The following SLC44A5 variants were observed in gnomAD, a reference collection of about 807,000 sequenced individuals.
The protein encoded by SLC44A5 is choline transporter-like protein 5.
A neutral mutation model predicts 101.8 loss-of-function variants in SLC44A5; 57 were observed. The observed-to-expected ratio is 0.56, with a 90% confidence interval of 0.45 to 0.70. SLC44A5 has a LOEUF of 0.70. Ranked by LOEUF, SLC44A5 falls within the 30% of genes least tolerant of loss-of-function variation. SLC44A5 has a pLI of 0.00. For missense variants in SLC44A5, 737 were observed against 853.1 expected, an observed-to-expected ratio of 0.86 and a Z score of 1.70; for synonymous variants, 281 against 290.9, an observed-to-expected ratio of 0.97 and a Z score of 0.35.
chr1:75,509,464 A>G (rs1669448443), intron 2 of SLC44A5, among the ~76,000 whole-genome samples: 2 of 152,326 alleles, frequency 1.3e-5, no homozygotes, highest in South Asian at 4.1e-4. Context: ...AAAGTGGTAA[A>G]ATAAAAATGT....
intron 6 of SLC44A5, among the ~76,000 whole-genome samples, chr1:75,274,572 C>G (rs144450306): frequency 6.6e-6 from 1 of 152,240 alleles, no homozygotes; most frequent in Non-Finnish European, 1.5e-5. Context: ...TCAGTAGACA[C>G]TGTGACAAAA....
intron 2 of SLC44A5, among the ~76,000 whole-genome samples, chr1:75,522,867 A>G (rs544256626): frequency 6.6e-6 from 1 of 152,168 alleles, no homozygotes; most frequent in Admixed American, 6.5e-5. Flanking sequence ...AGTTCTCAAC[A>G]TAAGGGAAAG....
chr1:75,451,424 A>T (rs1665902383), intron 2 of SLC44A5, among the ~76,000 whole-genome samples: 1 of 152,122 alleles, frequency 6.6e-6, no homozygotes, highest in African/African-American at 2.4e-5. Context: ...TAGAAGCAAA[A>T]CCAAAGAACC....
intron 4 of SLC44A5, among the ~76,000 whole-genome samples, chr1:75,331,100 T>C (rs574916200): frequency 9.7e-4 from 147 of 152,008 alleles, no homozygotes; most frequent in African/African-American, 3.5e-3. Flanking sequence ...GTCTGGAGTG[T>C]TGTTCTTGGG....
At chr1:75,648,477 C>A in the SLC44A5 span, among the ~76,000 whole-genome samples, 3 of 152,070 alleles carry the variant, frequency 2.0e-5, no homozygotes, top group Admixed American at 2.0e-4. Context: ...TACTGAGACC[C>A]TTCTCAGTGT....
intron 2 of SLC44A5, among the ~76,000 whole-genome samples, chr1:75,413,885 A>G (rs1426616951): frequency 6.6e-6 from 1 of 152,172 alleles, no homozygotes; most frequent in African/African-American, 2.4e-5. Flanking sequence ...AGTGAAAGCT[A>G]TATTCTCCCT....
chr1:75,706,975 A>G, the SLC44A5 span, among the ~76,000 whole-genome samples: 1 of 152,222 alleles, frequency 6.6e-6, no homozygotes, highest in African/African-American at 2.4e-5. Flanking sequence ...GACCCATTAA[A>G]GAAACTTCAT....
rs144126234 is a variant in SLC44A5 at position 75,422,085 on chromosome 1, C to G, written c.14-25464G>C. On this transcript the variant is annotated intron_variant, in intron 2 of 23. Transcript: ENST00000370859. ...AAAACCACTGGTGTGTGTGTGTGTG[C>G]ACGTGTGCTTAAGAGGCTGTGCTTT... Among the ~76,000 whole-genome samples the G allele has an allele frequency of 9.4e-3, 1,424 of 151,962 alleles. 23 individuals carry two copies. Among genetic ancestry groups the G allele is most frequent in the African/African-American group, 0.033 (1,352 of 41,414 alleles).
chr1:75,209,053 A>G (rs1471791870), intron 23 of SLC44A5, among the ~76,000 whole-genome samples: 1 of 152,206 alleles, frequency 6.6e-6, no homozygotes, highest in Non-Finnish European at 1.5e-5. Context: ...GGAGGAAGAG[A>G]AACACAATTT....
At chr1:75,505,172 G>A (rs1438313056) in intron 2 of SLC44A5, among the ~76,000 whole-genome samples, 1 of 152,052 alleles carries the variant, frequency 6.6e-6, no homozygotes, top group Non-Finnish European at 1.5e-5. Context: ...ACATGATTTT[G>A]TTCTTTTTAT....
chr1:75,609,063 C>T (rs541810099), intron 1 of SLC44A5, among the ~76,000 whole-genome samples: 14 of 151,814 alleles, frequency 9.2e-5, no homozygotes, highest in Admixed American at 6.6e-4. Context: ...ACATAGTAAG[C>T]GATTGATTAA....
At chr1:75,301,833 A>G (rs962253577) in intron 4 of SLC44A5, among the ~76,000 whole-genome samples, 1 of 152,204 alleles carries the variant, frequency 6.6e-6, no homozygotes, top group Non-Finnish European at 1.5e-5. Flanking sequence ...TAGATCTCCA[A>G]CGCCAAACCT....
the SLC44A5 span, among the ~76,000 whole-genome samples, chr1:75,706,585 C>CT: frequency 2.0e-5 from 3 of 151,856 alleles, no homozygotes; most frequent in African/African-American, 7.3e-5. Flanking sequence ...TATTTTTGCT[C>CT]TTTATGGGCC....
At chr1:75,344,762 G>A (rs1172543213) in intron 3 of SLC44A5, among the ~76,000 whole-genome samples, 1 of 152,108 alleles carries the variant, frequency 6.6e-6, no homozygotes, top group East Asian at 1.9e-4. Context: ...TTAGCTCATT[G>A]AGATGTATTT....
rs1288217809 is a variant in SLC44A5, at chr1:75,355,525, G to A, written c.53-15895C>T. 2.6e-5 allele frequency among the ~76,000 whole-genome samples: 4 copies of A among 152,132 alleles called. No individual in the cohort carries two copies. The East Asian group carries it at 7.7e-4, about 29-fold the overall frequency. On this transcript the variant is annotated intron_variant, in intron 3 of 23. Coordinates refer to ENST00000370859, the MANE Select transcript of SLC44A5 (RefSeq NM_001130058.2). ...GTGAGAAAGTACTGTGATTATTACT[G>A]TTACATATTAAGTGACATGTGAAAT... is the stretch of plus-strand genomic sequence containing the variant.
intron 2 of SLC44A5, among the ~76,000 whole-genome samples, chr1:75,483,890 A>T (rs1314885861): frequency 6.6e-6 from 1 of 152,182 alleles, no homozygotes; most frequent in African/African-American, 2.4e-5. Context: ...ACATGGTGGC[A>T]GGAGAGATAA....
chr1:75,699,466 A>G, the SLC44A5 span, among the ~76,000 whole-genome samples: 3 of 152,122 alleles, frequency 2.0e-5, no homozygotes, highest in Admixed American at 1.3e-4. Flanking sequence ...AGATTTCGTC[A>G]CCACCCGGCC....
intron 2 of SLC44A5, among the ~76,000 whole-genome samples, chr1:75,462,889 T>C (rs1666583103): frequency 6.6e-6 from 1 of 152,114 alleles, no homozygotes; most frequent in South Asian, 2.1e-4. Flanking sequence ...ACACCTGCGA[T>C]ATCTAGAAAA....
the SLC44A5 span, among the ~76,000 whole-genome samples, chr1:75,666,919 T>C: frequency 0.51 from 77,256 of 151,924 alleles, 20,868 homozygotes; most frequent in Middle Eastern, 0.64. Flanking sequence ...ATAAACTAGG[T>C]ATTGATGGAA....
Sources: gnomAD v4.1 joint callset for allele counts (sites outside exome capture counted in the v4.1 genomes callset) on GRCh38, gnomAD v4.1.1 for gene constraint, MANE v1.5 for transcripts, NCBI Gene and HGNC (gene_info 2026-07-23, HGNC 2026-07-21) for gene names.